PCDHA3: variants seen among roughly 807,000 people sequenced by gnomAD.
PCDHA3 encodes the protein protocadherin alpha 3.
PCDHA3 carries 41 observed loss-of-function variants against 62.2 expected under a neutral mutation model. That is an observed-to-expected ratio of 0.66 (90% CI 0.51 to 0.86). The LOEUF (loss-of-function observed/expected upper bound fraction) is 0.86, where lower values mean the gene tolerates loss of function less well. PCDHA3 is among the 40% of genes least tolerant of loss of function. The pLI, the probability that PCDHA3 is intolerant of heterozygous loss-of-function variation, is 0.00. For synonymous variants in PCDHA3, 640 were observed against 555.4 expected, an observed-to-expected ratio of 1.15 and a Z score of -2.14; for missense variants, 1,304 against 1,241.2, an observed-to-expected ratio of 1.05 and a Z score of -0.76.
At chr5:140,943,927 A>G (rs1407165466) in intron 1 of PCDHA3, among the ~76,000 whole-genome samples, 2 of 152,236 alleles carry the variant, frequency 1.3e-5, no homozygotes, top group East Asian at 1.9e-4. Flanking sequence ...GAGCAGCTTT[A>G]GAAGTGTGGT....
intron 3 of PCDHA3, among the ~76,000 whole-genome samples, chr5:140,995,481 T>C (rs190039428): frequency 5.9e-5 from 9 of 152,308 alleles, no homozygotes; most frequent in Admixed American, 5.9e-4. Context: ...CATTTAATAT[T>C]TTCAGACTAA....
intron 1 of PCDHA3, among the ~76,000 whole-genome samples, chr5:140,917,650 T>G (rs897307157): frequency 1.5e-4 from 23 of 152,226 alleles, no homozygotes; most frequent in African/African-American, 5.5e-4. Context: ...CCAGCAATAT[T>G]GAGTAGGAAG....
chr5:140,905,957 G>A (rs993962295), intron 1 of PCDHA3, among the ~76,000 whole-genome samples: 1 of 152,200 alleles, frequency 6.6e-6, no homozygotes, highest in South Asian at 2.1e-4. Context: ...CGATGTTCAA[G>A]GGGAGGAAGA....
At chr5:140,900,494 C>G (rs2068089293) in intron 1 of PCDHA3, among the ~76,000 whole-genome samples, 1 of 152,202 alleles carries the variant, frequency 6.6e-6, no homozygotes, top group Admixed American at 6.5e-5. Context: ...TCAGACTGGT[C>G]TCAAATTCCC....
chr5:140,929,480 G>C, intron 1 of PCDHA3: 1 of 1,195,420 alleles, frequency 8.4e-7, no homozygotes, highest in Non-Finnish European at 1.1e-6. Context: ...TGGAAGTATA[G>C]AAGTATTAGA....
At chr5:140,896,672 C>T (rs912022786) in intron 1 of PCDHA3, among the ~76,000 whole-genome samples, 7 of 152,028 alleles carry the variant, frequency 4.6e-5, no homozygotes, top group Middle Eastern at 3.2e-3. Flanking sequence ...TCACTGTGCC[C>T]GGCCCTTTGC....
At chr5:140,830,188 C>A (rs2150182568) in intron 1 of PCDHA3, 2 of 1,613,672 alleles carry the variant, frequency 1.2e-6, no homozygotes, top group Non-Finnish European at 1.7e-6. Context: ...TCAACGTGTA[C>A]CTGATCATCG....
chr5:140,851,070 T>C, intron 1 of PCDHA3: 1 of 1,351,546 alleles, frequency 7.4e-7, no homozygotes. Flanking sequence ...CTAGTGAGAA[T>C]TATAAACTGT....
rs781989346 is a variant in PCDHA3 at position 140,869,537 on chromosome 5, C to CT, written c.2394+65947dup. 1.6e-5 allele frequency: 26 copies of CT among 1,614,202 alleles called. 1 individual carries two copies. The highest frequency in any genetic ancestry group is 1.9e-5 in the Non-Finnish European group (23 of 1,180,050). ...GAACAAAAGCTGCTGATTGCGGAAT[C>CT]TAAGCAATCGGACTCGCGTTTTCCA... On this transcript the variant is annotated intron_variant, in intron 1 of 3. Coordinates refer to ENST00000522353, the MANE Select transcript of PCDHA3 (RefSeq NM_018906.3).
intron 1 of PCDHA3, among the ~76,000 whole-genome samples, chr5:140,854,874 G>A (rs1554147476): frequency 6.7e-6 from 1 of 149,752 alleles, no homozygotes; most frequent in African/African-American, 2.4e-5. Context: ...TCAGAACTGT[G>A]TCTTTTGGGC....
At position 140,823,615 on chromosome 5, in the gene PCDHA3, C is replaced by T. The variant is rs2150127467; in HGVS notation, c.2394+20024C>T. 3.1e-6 allele frequency: 5 copies of T among 1,613,928 alleles called. No individual in the cohort carries two copies. The Admixed American group carries it at 8.3e-5, about 27-fold the overall frequency. On this transcript the variant is annotated intron_variant, in intron 1 of 3. Coordinates refer to ENST00000522353, the MANE Select transcript of PCDHA3 (RefSeq NM_018906.3). ...GCTTTCGTATGAGCTGCAGCCAGCG[C>T]CTGGCAGTGCGCGCATCCCGTTCCG... is the stretch of plus-strand genomic sequence containing the variant.
intron 1 of PCDHA3, among the ~76,000 whole-genome samples, chr5:140,913,939 A>G (rs1175115466): frequency 1.3e-5 from 2 of 152,116 alleles, no homozygotes. Flanking sequence ...TCAGAGAAGA[A>G]TCTTGATATG....
chr5:140,806,647 G>C (rs1314722340), intron 1 of PCDHA3, among the ~76,000 whole-genome samples: 1 of 151,978 alleles, frequency 6.6e-6, no homozygotes, highest in Non-Finnish European at 1.5e-5. Flanking sequence ...GGTGAAGAGG[G>C]TGTTATCATT....
chr5:140,849,581 C>T lies in PCDHA3; in HGVS notation c.2394+45990C>T. The T allele has an allele frequency of 3.1e-6, 5 of 1,598,698 alleles. 1 individual carries two copies. Among genetic ancestry groups the T allele is most frequent in the Non-Finnish European group, 4.3e-6 (5 of 1,167,986 alleles). On this transcript the variant is annotated intron_variant, in intron 1 of 3. Transcript: ENST00000522353. ...CGCTCTCGGTTCCTGTAAAAGAGGA[C>T]GCACAACTGGGGACAGTTATTGCCC...
intron 1 of PCDHA3, chr5:140,966,502 G>GGCAGCA (rs2096011406): frequency 6.9e-6 from 3 of 433,776 alleles, no homozygotes; most frequent in Non-Finnish European, 1.2e-5. Context: ...GAGCTGTAGC[G>GGCAGCA]GCAGCAGCAG....
chr5:140,886,944 C>A (rs577897989), intron 1 of PCDHA3, among the ~76,000 whole-genome samples: 2 of 152,010 alleles, frequency 1.3e-5, no homozygotes, highest in African/African-American at 4.8e-5. Context: ...ATGTTCTACA[C>A]ATTAGACATT....
intron 3 of PCDHA3, among the ~76,000 whole-genome samples, chr5:140,998,540 T>TA (rs1304307081): frequency 6.6e-6 from 1 of 151,542 alleles, no homozygotes; most frequent in African/African-American, 2.4e-5. Context: ...CCCTAATTCC[T>TA]AATTTAATGT....
intron 1 of PCDHA3, chr5:140,877,038 G>T (rs782221827): frequency 2.5e-6 from 4 of 1,612,418 alleles, no homozygotes; most frequent in East Asian, 2.2e-5. Flanking sequence ...CGCTGCAGCC[G>T]CTAGACCACG....
chr5:140,875,738 G>T lies in PCDHA3; in HGVS notation c.2394+72147G>T, dbSNP rs1197047985. 12 of 1,614,086 alleles carry T rather than the reference G, an allele frequency of 7.4e-6. No homozygotes were observed. The highest frequency in any genetic ancestry group is 3.3e-5 in the Admixed American group (2 of 60,008). ...AATGGCATTTTGTTTGTGAATTCTC[G>T]GATCGACCGCGAGAAGCTGTGCGGG... On this transcript the variant is annotated intron_variant, in intron 1 of 3. Coordinates refer to ENST00000522353, the MANE Select transcript of PCDHA3 (RefSeq NM_018906.3).
Sources: gnomAD v4.1 joint callset for allele counts (sites outside exome capture counted in the v4.1 genomes callset) on GRCh38, gnomAD v4.1.1 for gene constraint, MANE v1.5 for transcripts, NCBI Gene and HGNC (gene_info 2026-07-23, HGNC 2026-07-21) for gene names.